CHD2: variants seen among roughly 807,000 people sequenced by gnomAD.
CHD2 encodes the protein ATP-dependent chromatin remodeler CHD2.
A neutral mutation model predicts 243.9 loss-of-function variants in CHD2; 28 were observed. That is an observed-to-expected ratio of 0.11 (90% CI 0.09 to 0.16). CHD2 has a LOEUF of 0.16. CHD2 is among the 10% of genes least tolerant of loss of function. CHD2 has a pLI of 1.00. For synonymous variants in CHD2, 775 were observed against 779.0 expected (o/e 0.99, Z 0.09); for missense variants, 1,386 against 2,209.8 (o/e 0.63, Z 7.47).
rs1284303260 is a variant in CHD2 at position 92,985,568 on chromosome 15, G to A, written c.3308G>A (p.Ser1103Asn). Residue 1103 changes from serine to asparagine, a missense_variant, in exon 26 of 39, where the codon AGT becomes AAT. This residue lies in a region of CHD2 where 99 missense variants were observed against 206.4 expected (regional missense o/e 0.48). Coordinates refer to ENST00000394196, the MANE Select transcript of CHD2 (RefSeq NM_001271.4). ...RQAQRSSASE[S>N]ETEDSDDDKK... ...GCCCAGAGATCCTCTGCTTCTGAGA[G>A]TGAAACGGAAGACTCTGATGATGAC... is the stretch of plus-strand genomic sequence containing the variant. 6.2e-7 allele frequency: 1 copy of A among 1,614,136 alleles called. No homozygotes were observed.
intron 26 of CHD2, among the ~76,000 whole-genome samples, chr15:92,988,859 T>C (rs868774194): frequency 6.6e-6 from 1 of 152,010 alleles, no homozygotes; most frequent in African/African-American, 2.4e-5. Flanking sequence ...TCTATTGATA[T>C]CATTTTCGAC....
intron 37 of CHD2, 78 bp from the exon 38 acceptor site, chr15:93,019,934 C>A (rs1309406140): frequency 9.2e-6 from 13 of 1,409,190 alleles, no homozygotes; most frequent in Admixed American, 2.3e-5. Context: ...ACTCCATCTC[C>A]AAAAAAAAAA....
At chr15:92,985,900 A>G (rs963370834) in intron 26 of CHD2, among the ~76,000 whole-genome samples, 5 of 152,146 alleles carry the variant, frequency 3.3e-5, no homozygotes, top group Admixed American at 1.3e-4. Context: ...TTTCTCTCTT[A>G]TTCTCTGGTT....
At position 92,903,244 on chromosome 15, in the gene CHD2, G is replaced by A. The variant is rs549591855; in HGVS notation, c.62+1945G>A. Among the ~76,000 whole-genome samples, 4 of 152,266 alleles carry A rather than the reference G, an allele frequency of 2.6e-5. No homozygotes were observed. In the East Asian group the frequency reaches 7.7e-4, roughly 29 times the overall value. On this transcript the variant is annotated intron_variant, in intron 2 of 38. Transcript: ENST00000394196. ...GTGGTAGATTAATATTACTTCTACTGAGCTGAACTGTCCCTGTAATTAGTA... is the reference window on the plus strand; with the variant it reads ...GTGGTAGATTAATATTACTTCTACTAAGCTGAACTGTCCCTGTAATTAGTA...
chr15:92,999,061 G>T (rs1203932678), intron 31 of CHD2, among the ~76,000 whole-genome samples: 1 of 123,838 alleles, frequency 8.1e-6, no homozygotes, highest in African/African-American at 3.3e-5. Context: ...TCCGGCCTGG[G>T]CAACAGAGCG....
At chr15:92,937,336 G>T (rs912234220) in intron 5 of CHD2, among the ~76,000 whole-genome samples, 182 bp from the exon 6 acceptor site, 1 of 152,092 alleles carries the variant, frequency 6.6e-6, no homozygotes. Flanking sequence ...AATAGGAATC[G>T]ATATTATGTA....
intron 33 of CHD2, among the ~76,000 whole-genome samples, chr15:93,003,486 TA>T (rs904930124): frequency 2.5e-4 from 38 of 150,676 alleles, no homozygotes; most frequent in African/African-American, 9.0e-4. Flanking sequence ...ATTAAAAAAA[TA>T]AAAAAAGAGC....
chr15:92,955,594 C>A, intron 15 of CHD2, 82 bp downstream of exon 15: 3 of 804,098 alleles, frequency 3.7e-6, no homozygotes, highest in African/African-American at 1.8e-5. Context: ...TTCTGTGGAG[C>A]ATGTTAGAAA....
chr15:92,971,970 G>A, intron 18 of CHD2, 43 bp downstream of exon 18: 1 of 1,565,622 alleles, frequency 6.4e-7, no homozygotes, highest in Non-Finnish European at 8.7e-7. Flanking sequence ...AAAACGCTTA[G>A]TTTCTCTAGG....
chr15:93,024,903 C>T lies in CHD2; in HGVS notation c.*198C>T, dbSNP rs2054574331. ...GCTCTGATTCGGGTCACCACTCCTG[C>T]ACTTTGGCACCCCATCCCATTCCAG... On this transcript the variant is annotated 3_prime_UTR_variant, in exon 39 of 39. Transcript: ENST00000394196. 1.8e-6 allele frequency: 1 copy of T among 548,984 alleles called. No individual in the cohort carries two copies. Among genetic ancestry groups the T allele is most frequent in the Non-Finnish European group, 3.2e-6 (1 of 315,954 alleles). The allele number at this position is 548,984 out of a possible 1,614,324, so 34.0% of individuals were successfully genotyped here.
chr15:92,981,344 T>A (rs1347383164), intron 23 of CHD2, 21 bp from the exon 24 acceptor site: 1 of 1,580,470 alleles, frequency 6.3e-7, no homozygotes, highest in African/African-American at 1.3e-5. Context: ...ATTCTATTCG[T>A]GTTGGCTTTT....
chr15:92,909,966 G>A (rs1158316959), intron 2 of CHD2, among the ~76,000 whole-genome samples: 1 of 124,046 alleles, frequency 8.1e-6, no homozygotes, highest in African/African-American at 2.9e-5. Flanking sequence ...GTGTGTGTGT[G>A]TGTATGTATA....
At chr15:92,954,681 A>G (rs2053595966) in intron 14 of CHD2, among the ~76,000 whole-genome samples, 1 of 152,250 alleles carries the variant, frequency 6.6e-6, no homozygotes, top group South Asian at 2.1e-4. Context: ...GCAAACAAAG[A>G]AAATGAACTC....
At chr15:92,999,126 A>C (rs1034139715) in intron 31 of CHD2, among the ~76,000 whole-genome samples, 6 of 150,132 alleles carry the variant, frequency 4.0e-5, no homozygotes, top group Non-Finnish European at 7.4e-5. Context: ...AATTCATTTA[A>C]GACCACGGCA....
intron 5 of CHD2, among the ~76,000 whole-genome samples, chr15:92,932,160 C>T (rs973031918): frequency 4.6e-5 from 7 of 152,194 alleles, no homozygotes; most frequent in Admixed American, 4.6e-4. Flanking sequence ...CCGCACCTGG[C>T]TGCTGATGTA....
rs1555439526 is a variant in CHD2 at position 92,942,894 on chromosome 15, G to A, written c.878G>A (p.Ser293Asn). The change falls in exon 9 of 39, where the codon AGT (serine) becomes AAT (asparagine). Residue 293 changes from serine to asparagine, a missense_variant. By Grantham distance (46) the Ser-to-Asn change is conservative. Transcript: ENST00000394196. ...GCGATTGAAGCTAATGGCGACCCTAGTGGTGACTTTGACACTGAAAAGGAT... is the reference window on the plus strand; with the variant it reads ...GCGATTGAAGCTAATGGCGACCCTAATGGTGACTTTGACACTGAAAAGGAT... ...VYAIEANGDPSGDFDTEKDEG... is the reference protein window; with the variant it reads ...VYAIEANGDPNGDFDTEKDEG... 6.2e-7 allele frequency: 1 copy of A among 1,614,036 alleles called. No individual in the cohort carries two copies. Among genetic ancestry groups the A allele is most frequent in the African/African-American group, 1.3e-5 (1 of 75,036 alleles).
At chr15:93,009,491 C>A in intron 35 of CHD2, 168 bp downstream of exon 35, 1 of 611,520 alleles carries the variant, frequency 1.6e-6, no homozygotes, top group Non-Finnish European at 2.8e-6. Flanking sequence ...ATGAAATAGG[C>A]CATTCCACTG....
intron 23 of CHD2, 130 bp downstream of exon 23, chr15:92,981,041 T>C: frequency 1.4e-6 from 1 of 692,864 alleles, no homozygotes; most frequent in Non-Finnish European, 2.5e-6. Flanking sequence ...AGTGTGTTTT[T>C]CTTTCGTAGG....
chr15:92,901,494 T>G, intron 2 of CHD2, 195 bp downstream of exon 2: 1 of 602,476 alleles, frequency 1.7e-6, no homozygotes, highest in Non-Finnish European at 3.0e-6. Flanking sequence ...TTTATGAAAG[T>G]TGAGTTGTGA....
Sources: allele counts gnomAD v4.1 joint callset (sites outside exome capture counted in the v4.1 genomes callset), GRCh38; gene constraint gnomAD v4.1.1; regional missense constraint gnomAD v4.1.1; transcripts MANE v1.5; gene names NCBI Gene and HGNC (gene_info 2026-07-23, HGNC 2026-07-21).